ANKS1B: variants seen among roughly 807,000 people sequenced by gnomAD.
The protein encoded by ANKS1B is ankyrin repeat and sterile alpha motif domain containing 1B, also known as ankyrin repeat and sterile alpha motif domain-containing protein 1B.
Under a neutral mutation model 148.3 loss-of-function variants are expected in ANKS1B, and 36 were observed. The observed-to-expected ratio is 0.24, with a 90% confidence interval of 0.19 to 0.32. ANKS1B has a LOEUF of 0.32. Ranked by LOEUF, ANKS1B falls within the 10% of genes least tolerant of loss-of-function variation. The probability of loss-of-function intolerance (pLI) is 1.00; values close to 1 mark genes in which losing one functional copy is unlikely to be tolerated. For synonymous variants in ANKS1B, 542 were observed against 560.8 expected, an observed-to-expected ratio of 0.97 and a Z score of 0.47; for missense variants, 1,157 against 1,542.6, an observed-to-expected ratio of 0.75 and a Z score of 4.19.
chr12:98,877,198 T>C (rs1248316717), intron 17 of ANKS1B, among the ~76,000 whole-genome samples: 1 of 152,054 alleles, frequency 6.6e-6, no homozygotes, highest in Non-Finnish European at 1.5e-5. Context: ...ACTAAAGAGG[T>C]AATGCAAAGA....
At chr12:99,344,850 A>G (rs148058788) in intron 12 of ANKS1B, 13 of 152,164 alleles carry the variant, frequency 8.5e-5, no homozygotes, top group Admixed American at 8.5e-4. Context: ...AAAAACAACT[A>G]AGAGCACTAA....
chr12:98,858,158 T>C (rs2099581187), intron 17 of ANKS1B, among the ~76,000 whole-genome samples: 1 of 152,234 alleles, frequency 6.6e-6, no homozygotes. Flanking sequence ...AGTTGGGACC[T>C]ACTCTATGTA....
intron 15 of ANKS1B, among the ~76,000 whole-genome samples, chr12:99,086,052 C>T (rs924867097): frequency 2.0e-5 from 3 of 152,084 alleles, no homozygotes; most frequent in Non-Finnish European, 2.9e-5. Context: ...CACCAGATCA[C>T]GATATGAAGA....
At chr12:99,249,230 A>T (rs2074259196) in intron 12 of ANKS1B, among the ~76,000 whole-genome samples, 1 of 151,452 alleles carries the variant, frequency 6.6e-6, no homozygotes, top group African/African-American at 2.4e-5. Flanking sequence ...GAGCTTGCCT[A>T]TTGTGGGAAA....
At position 99,915,174 on chromosome 12, in the gene ANKS1B, G is replaced by C. The variant is rs182228655; in HGVS notation, c.134+68930C>G. 6.8e-5 allele frequency among the ~76,000 whole-genome samples: 10 copies of C among 147,372 alleles called. No individual in the cohort carries two copies. The East Asian group carries it at 2.0e-3, about 29-fold the overall frequency. On this transcript the variant is annotated intron_variant, in intron 1 of 26. Transcript: ENST00000683438. ...CGCGAGGCGGAGGTTGCAGTGAGCTGAGGTCGCACCATTGCACTCCAGCAT... is the reference window on the plus strand; with the variant it reads ...CGCGAGGCGGAGGTTGCAGTGAGCTCAGGTCGCACCATTGCACTCCAGCAT...
At chr12:98,983,460 A>G (rs1211950269) in intron 17 of ANKS1B, among the ~76,000 whole-genome samples, 2 of 152,164 alleles carry the variant, frequency 1.3e-5, no homozygotes, top group Non-Finnish European at 2.9e-5. Flanking sequence ...TAAAGAGCTA[A>G]TGTGATTAGA....
intron 14 of ANKS1B, among the ~76,000 whole-genome samples, chr12:99,170,150 T>G (rs907903141): frequency 1.3e-5 from 2 of 152,220 alleles, no homozygotes; most frequent in Non-Finnish European, 2.9e-5. Flanking sequence ...TTATTTCATG[T>G]CAGCAAAGGG....
chr12:99,369,893 T>TAGAC (rs1296742718), intron 12 of ANKS1B, among the ~76,000 whole-genome samples: 2 of 151,042 alleles, frequency 1.3e-5, no homozygotes, highest in African/African-American at 4.9e-5. Context: ...GATAGATAGA[T>TAGAC]AAAATATGGC....
intron 19 of ANKS1B, among the ~76,000 whole-genome samples, chr12:98,808,811 A>G (rs1241878650): frequency 1.3e-5 from 2 of 152,230 alleles, no homozygotes; most frequent in African/African-American, 2.4e-5. Flanking sequence ...GTGAAATTAA[A>G]TCACAGAAAA....
downstream of ANKS1B, among the ~76,000 whole-genome samples, chr12:98,740,754 A>AT (rs2097794426): frequency 2.0e-5 from 3 of 152,266 alleles, no homozygotes; most frequent in South Asian, 6.2e-4. Context: ...TTGCAGCCAC[A>AT]TTTTCCATCC....
chr12:98,991,739 C>T (rs1012236086), intron 17 of ANKS1B, among the ~76,000 whole-genome samples: 1 of 152,176 alleles, frequency 6.6e-6, no homozygotes, highest in African/African-American at 2.4e-5. Context: ...TTGCTGAAGT[C>T]GCATAGCTAG....
In ANKS1B at chr12:99,445,969, C is replaced by T. The variant is rs144561605; in HGVS notation, c.1439-2160G>A. ...AACTCCTGAGCTGTAGTGATCCACCCACCTCAACCTCCTAGAGTGCTAGGA... is the reference window on the plus strand; with the variant it reads ...AACTCCTGAGCTGTAGTGATCCACCTACCTCAACCTCCTAGAGTGCTAGGA... On this transcript the variant is annotated intron_variant, in intron 10 of 26. Coordinates refer to ENST00000683438, the MANE Select transcript of ANKS1B (RefSeq NM_001352186.2). 3.5e-3 allele frequency among the ~76,000 whole-genome samples: 539 copies of T among 152,048 alleles called. 6 individuals carry two copies. Among genetic ancestry groups the T allele is most frequent in the African/African-American group, 0.011 (450 of 41,484 alleles).
At chr12:99,211,557 T>C (rs1177303312) in intron 14 of ANKS1B, among the ~76,000 whole-genome samples, 2 of 152,244 alleles carry the variant, frequency 1.3e-5, no homozygotes. Context: ...TACCTCATCC[T>C]AGCATTGCAA....
chr12:99,370,491 T>TA (rs1197318308), intron 12 of ANKS1B, among the ~76,000 whole-genome samples: 3 of 152,088 alleles, frequency 2.0e-5, no homozygotes, highest in Non-Finnish European at 2.9e-5. Context: ...CCAGATGAGT[T>TA]ACTAGAATCT....
intron 10 of ANKS1B, among the ~76,000 whole-genome samples, chr12:99,497,831 TTC>T (rs140728461): frequency 5.4e-4 from 80 of 148,232 alleles, no homozygotes; most frequent in Non-Finnish European, 6.3e-4. Flanking sequence ...GTCTTTCTCT[TTC>T]TCTCTCTCTC....
Position 99,052,160 on chromosome 12 carries a change from T to A in ANKS1B, c.2778+997A>T, listed in dbSNP as rs76931913. ...TTATGTTACATTTTCATCTTATTCC[T>A]TCATTTATGCTAGAAAATAACAAAA... On this transcript the variant is annotated intron_variant, in intron 17 of 26. Transcript: ENST00000683438. 4.2e-3 allele frequency among the ~76,000 whole-genome samples: 640 copies of A among 152,348 alleles called. 23 individuals carry two copies. The East Asian group carries it at 0.087, about 21-fold the overall frequency.
At chr12:98,753,584 T>C (rs1039989143) in intron 25 of ANKS1B, among the ~76,000 whole-genome samples, 1 of 152,116 alleles carries the variant, frequency 6.6e-6, no homozygotes, top group Non-Finnish European at 1.5e-5. Context: ...TGCACCACCA[T>C]GCCCAGCTAA....
intron 14 of ANKS1B, among the ~76,000 whole-genome samples, chr12:99,194,265 C>T (rs1398964184): frequency 6.6e-6 from 1 of 151,994 alleles, no homozygotes; most frequent in African/African-American, 2.4e-5. Flanking sequence ...ATTTGTCTAA[C>T]ATAAAGTCTT....
At position 99,134,641 on chromosome 12, in the gene ANKS1B, T is replaced by TCACA. The variant is rs1314829413; in HGVS notation, c.2526+19647_2526+19648insTGTG. On this transcript the variant is annotated intron_variant, in intron 15 of 26. Transcript: ENST00000683438. ...CTATCCCTTTCTGTCTCTCTCTCTC[T>TCACA]CTCTCACACACACACACACACACAC... is the stretch of plus-strand genomic sequence containing the variant. Among the ~76,000 whole-genome samples the TCACA allele has an allele frequency of 4.5e-4, 37 of 81,750 alleles. 1 individual carries two copies. The highest frequency in any genetic ancestry group is 6.6e-4 in the Non-Finnish European group (28 of 42,612). The allele number at this position is 81,750 out of a possible 152,430, so 53.6% of individuals were successfully genotyped here. A position where few individuals can be genotyped will look rare whatever the true frequency, so the allele number is the denominator to read the frequency against.
Sources: allele counts gnomAD v4.1 joint callset (sites outside exome capture counted in the v4.1 genomes callset), GRCh38; gene constraint gnomAD v4.1.1; transcripts MANE v1.5; gene names NCBI Gene and HGNC (gene_info 2026-07-23, HGNC 2026-07-21).